The following ARID2 variants were observed in gnomAD, a reference collection of about 807,000 sequenced individuals.
The protein encoded by ARID2 is AT-rich interactive domain-containing protein 2.
Under a neutral mutation model 184.6 loss-of-function variants are expected in ARID2, and 32 were observed. The observed-to-expected ratio is 0.17, with a 90% confidence interval of 0.13 to 0.23. The LOEUF (loss-of-function observed/expected upper bound fraction) is 0.23. Among genes scored for constraint, ARID2 ranks in the 10% least tolerant of loss-of-function variants. The pLI, the probability that ARID2 is intolerant of heterozygous loss-of-function variation, is 1.00. For synonymous variants in ARID2, 836 were observed against 772.6 expected (o/e 1.08, Z -1.36); for missense variants, 1,696 against 2,197.6 (o/e 0.77, Z 4.56).
At chr12:45,770,112 G>C (rs1941840983) in intron 3 of ARID2, among the ~76,000 whole-genome samples, 1 of 152,102 alleles carries the variant, frequency 6.6e-6, no homozygotes, top group African/African-American at 2.4e-5. Flanking sequence ...AAGTAGCCGG[G>C]AGTGGTGGTG....
At chr12:45,787,782 G>A (rs1942224175) in intron 3 of ARID2, among the ~76,000 whole-genome samples, 1 of 151,778 alleles carries the variant, frequency 6.6e-6, no homozygotes, top group Admixed American at 6.6e-5. Flanking sequence ...ATTAATATAG[G>A]GATCCTTATC....
intron 16 of ARID2, among the ~76,000 whole-genome samples, chr12:45,877,193 G>T (rs917007304): frequency 2.6e-5 from 4 of 152,090 alleles, no homozygotes; most frequent in African/African-American, 9.7e-5. Context: ...TCCGTGGCCT[G>T]TTAGGAACCA....
intron 4 of ARID2, among the ~76,000 whole-genome samples, chr12:45,816,931 A>G (rs959687211): frequency 1.3e-5 from 2 of 152,242 alleles, no homozygotes; most frequent in African/African-American, 2.4e-5. Context: ...GAGATACTCT[A>G]TATCTTGACT....
intron 3 of ARID2, among the ~76,000 whole-genome samples, chr12:45,795,702 C>CCG (rs1555146685): frequency 6.6e-6 from 1 of 151,884 alleles, no homozygotes; most frequent in Non-Finnish European, 1.5e-5. Flanking sequence ...TCCCAAAGTG[C>CCG]TGGGATTATA....
At chr12:45,732,302 A>G (rs1941019162) in intron 3 of ARID2, among the ~76,000 whole-genome samples, 1 of 152,156 alleles carries the variant, frequency 6.6e-6, no homozygotes, top group Non-Finnish European at 1.5e-5. Flanking sequence ...TTATTGCTTC[A>G]GATGCACTCA....
chr12:45,897,319 A>G (rs1474559503), intron 20 of ARID2, among the ~76,000 whole-genome samples: 2 of 152,246 alleles, frequency 1.3e-5, no homozygotes, highest in Admixed American at 6.5e-5. Flanking sequence ...GCTTTATAAT[A>G]TTGGATTTGG....
chr12:45,881,054 C>A, intron 16 of ARID2: 1 of 174,980 alleles, frequency 5.7e-6, no homozygotes, highest in East Asian at 1.5e-4. Context: ...TAGTTGTAGT[C>A]CTGCTGCAGG....
In ARID2 at chr12:45,907,245, A is replaced by G. The variant is rs1474804448; in HGVS notation, c.*2167A>G. ...GTTGACATCATATGGGGAATTTTCT[A>G]TTCACCGTACTTATCCAAAAATCTC... On this transcript the variant is annotated 3_prime_UTR_variant, in exon 21 of 21. Transcript: ENST00000334344. 1 of 232,846 alleles carries G rather than the reference A, an allele frequency of 4.3e-6. No individual in the cohort carries two copies. Among genetic ancestry groups the G allele is most frequent in the South Asian group, 1.8e-4 (1 of 5,524 alleles). The allele number at this position is 232,846 out of a possible 1,614,324, so 14.4% of individuals were successfully genotyped here. A position where few individuals can be genotyped will look rare whatever the true frequency, so the allele number is the denominator to read the frequency against.
intron 16 of ARID2, among the ~76,000 whole-genome samples, chr12:45,875,075 A>T (rs1002495414): frequency 1.3e-5 from 2 of 152,324 alleles, no homozygotes; most frequent in African/African-American, 2.4e-5. Context: ...GTGAGCGGAG[A>T]TGTACCACTA....
intron 6 of ARID2, among the ~76,000 whole-genome samples, chr12:45,827,709 A>G (rs1943028254): frequency 6.6e-6 from 1 of 152,126 alleles, no homozygotes; most frequent in Non-Finnish European, 1.5e-5. Flanking sequence ...TTGAATGATA[A>G]TAGGTGACCA....
chr12:45,809,789 A>G (rs1448156925), intron 3 of ARID2, among the ~76,000 whole-genome samples: 1 of 152,226 alleles, frequency 6.6e-6, no homozygotes, highest in Non-Finnish European at 1.5e-5. Flanking sequence ...TTCCAGGTTC[A>G]AGGATGTGAA....
intron 1 of ARID2, 25 bp downstream of exon 1, chr12:45,729,953 C>T (rs1555139260): frequency 1.2e-6 from 2 of 1,603,394 alleles, no homozygotes; most frequent in East Asian, 2.2e-5. Context: ...GGGGGGGCAG[C>T]GCCGGGGCGA....
At chr12:45,747,078 A>G (rs1302110161) in intron 3 of ARID2, among the ~76,000 whole-genome samples, 1 of 152,180 alleles carries the variant, frequency 6.6e-6, no homozygotes. Context: ...TGGACCTAGT[A>G]TTTAAACCTG....
chr12:45,777,461 GAGCTGTGCTATTATCTAT>G (rs1205492539), intron 3 of ARID2, among the ~76,000 whole-genome samples: 1 of 152,054 alleles, frequency 6.6e-6, no homozygotes, highest in East Asian at 1.9e-4. Flanking sequence ...TAAATGTACA[GAGCTGTGCTATTATCTAT>G]AGCTTGCAAA....
chr12:45,866,841 A>G (rs907363240), intron 16 of ARID2, among the ~76,000 whole-genome samples: 1 of 152,188 alleles, frequency 6.6e-6, no homozygotes, highest in African/African-American at 2.4e-5. Context: ...ACACATCATT[A>G]TCACCCAAAG....
intron 3 of ARID2, among the ~76,000 whole-genome samples, chr12:45,769,667 A>G (rs538165750): frequency 4.6e-5 from 7 of 152,360 alleles, no homozygotes; most frequent in African/African-American, 1.4e-4. Flanking sequence ...TCACAAGTTT[A>G]TTGAAAAACA....
chr12:45,860,612 T>C (rs189340318), intron 15 of ARID2, among the ~76,000 whole-genome samples, 189 bp from the exon 16 acceptor site: 503 of 152,040 alleles, frequency 3.3e-3, no homozygotes, highest in African/African-American at 0.012. Flanking sequence ...TTAAATAAAA[T>C]AAACTTTCTA....
chr12:45,756,195 C>T (rs1341979543), intron 3 of ARID2, among the ~76,000 whole-genome samples: 7 of 152,174 alleles, frequency 4.6e-5, no homozygotes, highest in East Asian at 3.9e-4. Context: ...CATGAGCCAA[C>T]GCGCCCAGCC....
At chr12:45,773,986 G>A (rs1941930263) in intron 3 of ARID2, among the ~76,000 whole-genome samples, 1 of 152,136 alleles carries the variant, frequency 6.6e-6, no homozygotes, top group South Asian at 2.1e-4. Context: ...TCCTTGCTTT[G>A]AGTGGAAACT....
Sources: gnomAD v4.1 joint callset for allele counts (sites outside exome capture counted in the v4.1 genomes callset) on GRCh38, gnomAD v4.1.1 for gene constraint, MANE v1.5 for transcripts, NCBI Gene and HGNC (gene_info 2026-07-23, HGNC 2026-07-21) for gene names.